GSDMC: variants seen among roughly 807,000 people sequenced by gnomAD.
GSDMC encodes gasdermin-C.
A neutral mutation model predicts 58.0 loss-of-function variants in GSDMC; 59 were observed. That is an observed-to-expected ratio of 1.02 (90% confidence interval 0.82 to 1.26). The LOEUF is 1.26. Among genes scored for constraint, GSDMC ranks in the 50% most tolerant of loss-of-function variants. The pLI, the probability that GSDMC is intolerant of heterozygous loss-of-function variation, is 0.00. For synonymous variants in GSDMC, 241 were observed against 220.2 expected (o/e 1.09, Z -0.83); for missense variants, 659 against 598.5 (o/e 1.10, Z -1.06).
intron 6 of GSDMC, among the ~76,000 whole-genome samples, chr8:129,758,506 C>T (rs1180063659): frequency 6.6e-6 from 1 of 152,062 alleles, no homozygotes; most frequent in Non-Finnish European, 1.5e-5. Context: ...AACTGATAAA[C>T]AAATTCAGTA....
At chr8:129,779,501 G>A (rs191989030) in intron 1 of GSDMC, among the ~76,000 whole-genome samples, 109 of 152,082 alleles carry the variant, frequency 7.2e-4, no homozygotes, top group Middle Eastern at 6.8e-3. Context: ...GAAAAATAAC[G>A]AATGGTTACT....
the GSDMC span, among the ~76,000 whole-genome samples, chr8:129,726,731 T>TA: frequency 1.3e-5 from 2 of 152,038 alleles, no homozygotes; most frequent in Admixed American, 1.3e-4. Context: ...ATGTCATACT[T>TA]ACCTCCATGC....
At chr8:129,775,328 A>G (rs1408264431) in intron 3 of GSDMC, among the ~76,000 whole-genome samples, 1 of 152,250 alleles carries the variant, frequency 6.6e-6, no homozygotes, top group East Asian at 1.9e-4. Flanking sequence ...CAAATACTGT[A>G]TAATCTCACA....
At chr8:129,727,843 T>A in the GSDMC span, among the ~76,000 whole-genome samples, 1 of 152,290 alleles carries the variant, frequency 6.6e-6, no homozygotes, top group Non-Finnish European at 1.5e-5. Context: ...TTCTCCCCCA[T>A]CACAGGTCTG....
chr8:129,783,872 TG>T (rs1024931093), intron 1 of GSDMC, among the ~76,000 whole-genome samples: 1 of 152,098 alleles, frequency 6.6e-6, no homozygotes, highest in African/African-American at 2.4e-5. Context: ...CAAAACAGCA[TG>T]GTACTGGCAT....
chr8:129,716,328 T>A, the GSDMC span, among the ~76,000 whole-genome samples: 6,456 of 152,294 alleles, frequency 0.042, 192 homozygotes, highest in East Asian at 0.056. Context: ...TATAATGTAT[T>A]AATACCAATC....
At chr8:129,764,808 C>A (rs536888519) in intron 4 of GSDMC, among the ~76,000 whole-genome samples, 6 of 152,208 alleles carry the variant, frequency 3.9e-5, no homozygotes, top group Non-Finnish European at 8.8e-5. Context: ...TGCAGTCCCA[C>A]CTATCTTCAG....
At chr8:129,736,211 G>A in the GSDMC span, among the ~76,000 whole-genome samples, 1 of 152,176 alleles carries the variant, frequency 6.6e-6, no homozygotes, top group Non-Finnish European at 1.5e-5. Context: ...TTCTACCAGA[G>A]GTACAGAGAG....
At chr8:129,759,674 C>A (rs139110538) in intron 6 of GSDMC, among the ~76,000 whole-genome samples, 54 of 152,254 alleles carry the variant, frequency 3.5e-4, no homozygotes, top group African/African-American at 1.2e-3. Flanking sequence ...TATTATCTCA[C>A]CCCTGTTAAA....
chr8:129,728,905 C>T, the GSDMC span: 1 of 661,968 alleles, frequency 1.5e-6, no homozygotes, highest in Non-Finnish European at 2.9e-6. Context: ...CAGGCAGGGT[C>T]TGAAGCCCAT....
the GSDMC span, among the ~76,000 whole-genome samples, chr8:129,715,501 C>A: frequency 2.0e-4 from 31 of 152,196 alleles, no homozygotes; most frequent in African/African-American, 7.5e-4. Context: ...ACCCACAGAA[C>A]AAGAATCTCA....
the GSDMC span, among the ~76,000 whole-genome samples, chr8:129,716,968 G>A: frequency 6.6e-6 from 1 of 152,158 alleles, no homozygotes; most frequent in South Asian, 2.1e-4. Flanking sequence ...GGATGAAGCT[G>A]ACTTGATCAT....
intron 6 of GSDMC, among the ~76,000 whole-genome samples, chr8:129,753,889 T>C (rs1439667808): frequency 1.3e-5 from 2 of 152,096 alleles, no homozygotes; most frequent in Non-Finnish European, 2.9e-5. Context: ...GTGGTAATGG[T>C]GGCCACAGAG....
intron 6 of GSDMC, among the ~76,000 whole-genome samples, chr8:129,755,953 A>C (rs1008724812): frequency 7.2e-5 from 11 of 152,032 alleles, no homozygotes; most frequent in Non-Finnish European, 1.5e-4. Flanking sequence ...GGAAGAAAAG[A>C]AGGCCAGAAA....
downstream of GSDMC, among the ~76,000 whole-genome samples, chr8:129,746,125 A>T (rs1043132611): frequency 6.6e-6 from 1 of 152,222 alleles, no homozygotes; most frequent in African/African-American, 2.4e-5. Flanking sequence ...AGCACACTAC[A>T]GGAAAAGAAG....
chr8:129,776,308 T>C (rs1325707128), intron 2 of GSDMC, 23 bp from the exon 3 acceptor site: 8 of 1,560,020 alleles, frequency 5.1e-6, no homozygotes, highest in Middle Eastern at 3.4e-4. Context: ...AAGACGACCA[T>C]AGGTTTAGCC....
the GSDMC span, among the ~76,000 whole-genome samples, chr8:129,733,784 G>C: frequency 0.32 from 49,302 of 152,004 alleles, 11,577 homozygotes; most frequent in African/African-American, 0.65. Context: ...ACGACAGCTG[G>C]TGAGGACCAG....
At chr8:129,754,242 G>T (rs1243397545) in intron 6 of GSDMC, among the ~76,000 whole-genome samples, 1 of 152,194 alleles carries the variant, frequency 6.6e-6, no homozygotes, top group Non-Finnish European at 1.5e-5. Flanking sequence ...CAGAGCCAGT[G>T]GTGGTGGCCA....
the GSDMC span, chr8:129,707,076 C>A: frequency 6.6e-6 from 1 of 152,166 alleles, no homozygotes; most frequent in Admixed American, 6.5e-5. Context: ...GCACTGTAAG[C>A]TTCTCCACAG....
Sources: gnomAD v4.1 joint callset for allele counts (sites outside exome capture counted in the v4.1 genomes callset) on GRCh38, gnomAD v4.1.1 for gene constraint, MANE v1.5 for transcripts, NCBI Gene and HGNC (gene_info 2026-07-23, HGNC 2026-07-21) for gene names.